Variants in CELF4 observed in about 807,000 individuals in gnomAD.
The protein encoded by CELF4 is CUGBP Elav-like family member 4.
CELF4 carries 18 observed loss-of-function variants against 59.9 expected under a neutral mutation model. The ratio of observed to expected loss-of-function variants is 0.30; its 90% confidence interval spans 0.21 to 0.45. The LOEUF is 0.45. CELF4 is among the 20% of genes least tolerant of loss of function. The pLI is 1.00. For missense variants in CELF4, 456 were observed against 689.0 expected (o/e 0.66, Z 3.79); for synonymous variants, 261 against 267.1 (o/e 0.98, Z 0.22).
At chr18:37,524,631 T>C (rs1048938347) in intron 1 of CELF4, among the ~76,000 whole-genome samples, 9 of 152,222 alleles carry the variant, frequency 5.9e-5, no homozygotes, top group East Asian at 1.9e-4. Flanking sequence ...GTAGGAAATA[T>C]TGATATTAGC....
chr18:37,355,027 C>T (rs1248428011), intron 2 of CELF4, among the ~76,000 whole-genome samples: 15 of 152,312 alleles, frequency 9.8e-5, no homozygotes. Context: ...TGTGTGCCTA[C>T]TGTGCATATG....
chr18:37,369,810 T>C (rs1030133257), intron 2 of CELF4, among the ~76,000 whole-genome samples: 4 of 152,248 alleles, frequency 2.6e-5, no homozygotes, highest in Admixed American at 6.5e-5. Flanking sequence ...CGCTCATCTC[T>C]GTGTTCATAC....
chr18:37,259,875 T>G (rs775779720), intron 10 of CELF4, among the ~76,000 whole-genome samples: 43 of 152,308 alleles, frequency 2.8e-4, no homozygotes, highest in Non-Finnish European at 5.4e-4. Context: ...TCCTCCTGTG[T>G]AGGTGCGTAG....
In CELF4 at chr18:37,266,568, T is replaced by G; in HGVS notation, c.1130A>C (p.Gln377Pro). 1.3e-6 allele frequency: 2 copies of G among 1,597,848 alleles called. No individual in the cohort carries two copies. The highest frequency in any genetic ancestry group is 1.7e-6 in the Non-Finnish European group (2 of 1,173,676). ...AQSPTAADPL[Q>P]QAYAGVQQYA... Reference sequence around the variant, plus strand: ...CTGCTGCACTCCGGCGTAGGCCTGCTGCAGGGGGTCCGCGGCGGTGGGGCT... The same window carrying G: ...CTGCTGCACTCCGGCGTAGGCCTGCGGCAGGGGGTCCGCGGCGGTGGGGCT... The change falls in exon 9 of 13, where the codon CAG (glutamine) becomes CCG (proline). Residue 377 changes from glutamine to proline, a missense_variant. By Grantham distance (76) the Gln-to-Pro change is moderately conservative (BLOSUM62 -1). This residue lies in a region of CELF4 where 256 missense variants were observed against 340.8 expected (regional missense o/e 0.75). Coordinates refer to ENST00000420428, the MANE Select transcript of CELF4 (RefSeq NM_020180.4).
In CELF4 at chr18:37,353,057, TA is replaced by T. The variant is rs370168172; in HGVS notation, c.370-31177del. On this transcript the variant is annotated intron_variant, in intron 2 of 12. Coordinates refer to ENST00000420428, the MANE Select transcript of CELF4 (RefSeq NM_020180.4). Reference sequence around the variant, plus strand: ...TAACACGGTGAAACCCTGTCTCTACTAAAAATACAAAAAATTAGCCGGGTGT... The same window carrying T: ...TAACACGGTGAAACCCTGTCTCTACTAAAATACAAAAAATTAGCCGGGTGT... Among the ~76,000 whole-genome samples the T allele has an allele frequency of 4.5e-4, 69 of 151,756 alleles. No individual in the cohort carries two copies. The East Asian group carries it at 9.6e-3, about 21-fold the overall frequency.
At chr18:37,501,253 T>C (rs2154603897) in intron 1 of CELF4, among the ~76,000 whole-genome samples, 1 of 152,348 alleles carries the variant, frequency 6.6e-6, no homozygotes, top group Admixed American at 6.5e-5. Context: ...CCTAGCCACC[T>C]TATCTATAAA....
At position 37,254,989 on chromosome 18, in the gene CELF4, A is replaced by T. The variant is rs2068285274; in HGVS notation, c.1334-1051T>A. On this transcript the variant is annotated intron_variant, in intron 11 of 12. Coordinates refer to ENST00000420428, the MANE Select transcript of CELF4 (RefSeq NM_020180.4). This position sits in a 1 kb window ranked among gnomAD's most constrained non-coding sequence, Gnocchi z 5.1. ...GGGCCAGTGCAGCATATCAACAAAT[A>T]ACGTCCCCTCCCTCACCGAGTTGTA... Among the ~76,000 whole-genome samples, 1 of 152,180 alleles carries T rather than the reference A, an allele frequency of 6.6e-6. No homozygotes were observed. The highest frequency in any genetic ancestry group is 1.5e-5 in the Non-Finnish European group (1 of 68,036).
rs114975523 is a variant in CELF4, at chr18:37,495,553, T to A, written c.287-9946A>T. On this transcript the variant is annotated intron_variant, in intron 1 of 12. Coordinates refer to ENST00000420428, the MANE Select transcript of CELF4 (RefSeq NM_020180.4). ...CCCCATCTGAGGCTCCAGTGGCTAG[T>A]GTCATTTGCTTGGTTGTGTGTGTGT... 3.9e-3 allele frequency among the ~76,000 whole-genome samples: 587 copies of A among 152,246 alleles called. 7 individuals are homozygous for A. Among genetic ancestry groups the A allele is most frequent in the African/African-American group, 0.013 (540 of 41,534 alleles).
At chr18:37,326,567 C>T (rs1483698007) in intron 2 of CELF4, among the ~76,000 whole-genome samples, 1 of 152,164 alleles carries the variant, frequency 6.6e-6, no homozygotes, top group Admixed American at 6.5e-5. Flanking sequence ...CCTCCAGGTG[C>T]CTGAAGGGGA....
chr18:37,275,030 GC>G, intron 4 of CELF4, 84 bp downstream of exon 4: 6 of 1,553,570 alleles, frequency 3.9e-6, no homozygotes, highest in Non-Finnish European at 5.3e-6. Context: ...GACGGCGATG[GC>G]CCCGGAGACT....
chr18:37,442,550 G>A (rs1225885848), intron 2 of CELF4, among the ~76,000 whole-genome samples: 2 of 152,218 alleles, frequency 1.3e-5, no homozygotes, highest in African/African-American at 4.8e-5. Context: ...TCATCACAGT[G>A]CATGCTACTG....
At chr18:37,417,413 TC>T (rs554541196) in intron 2 of CELF4, among the ~76,000 whole-genome samples, 32 of 152,324 alleles carry the variant, frequency 2.1e-4, no homozygotes, top group Admixed American at 1.4e-3. Context: ...TACCAATTTC[TC>T]CGACTTAACC....
chr18:37,477,736 A>G (rs567273511), intron 2 of CELF4, among the ~76,000 whole-genome samples: 4 of 152,340 alleles, frequency 2.6e-5, no homozygotes, highest in African/African-American at 9.6e-5. Flanking sequence ...CCAGATTATA[A>G]ACTCCTTCTG....
At chr18:37,348,151 C>A (rs976159736) in intron 2 of CELF4, among the ~76,000 whole-genome samples, 1 of 152,154 alleles carries the variant, frequency 6.6e-6, no homozygotes, top group South Asian at 2.1e-4. Context: ...TTCTCTCTTG[C>A]GCCTCCTTCT....
intron 3 of CELF4, among the ~76,000 whole-genome samples, chr18:37,321,200 C>A (rs1478479303): frequency 6.6e-6 from 1 of 152,152 alleles, no homozygotes; most frequent in African/African-American, 2.4e-5. Flanking sequence ...CCTCAAGGTG[C>A]TGCATTCCCT....
chr18:37,489,666 TC>T (rs1371214265), intron 1 of CELF4, among the ~76,000 whole-genome samples: 1 of 152,166 alleles, frequency 6.6e-6, no homozygotes, highest in Non-Finnish European at 1.5e-5. Flanking sequence ...AAACTCACTC[TC>T]CTATGTTGTA....
chr18:37,362,137 T>A (rs1473732878), intron 2 of CELF4, among the ~76,000 whole-genome samples: 1 of 152,054 alleles, frequency 6.6e-6, no homozygotes, highest in African/African-American at 2.4e-5. Context: ...TCCCCAGCCC[T>A]GCAGTCACCC....
At chr18:37,252,906 C>G (rs1568904052) in intron 12 of CELF4, among the ~76,000 whole-genome samples, 1 of 151,738 alleles carries the variant, frequency 6.6e-6, no homozygotes, top group Non-Finnish European at 1.5e-5. Flanking sequence ...CTGGAAAGGC[C>G]CGAAAGGAGC....
chr18:37,417,935 G>T (rs904568033), intron 2 of CELF4, among the ~76,000 whole-genome samples: 13 of 152,164 alleles, frequency 8.5e-5, no homozygotes, highest in African/African-American at 3.1e-4. Context: ...AGGATGTTTG[G>T]GGTCAACTGA....
Sources: gnomAD v4.1 joint callset for allele counts (sites outside exome capture counted in the v4.1 genomes callset) on GRCh38, gnomAD v4.1.1 for gene constraint, gnomAD v4.1.1 regional missense constraint, Gnocchi (gnomAD v3.1) non-coding constraint, MANE v1.5 for transcripts, NCBI Gene and HGNC (gene_info 2026-07-23, HGNC 2026-07-21) for gene names.